The following TTC3 variants were observed in gnomAD, a reference collection of about 807,000 sequenced individuals.
TTC3 encodes the protein E3 ubiquitin-protein ligase TTC3.
Under a neutral mutation model 249.6 loss-of-function variants are expected in TTC3, and 180 were observed. That is an observed-to-expected ratio of 0.72 (90% CI 0.64 to 0.82). The LOEUF is 0.82. Among genes scored for constraint, TTC3 ranks in the 40% least tolerant of loss-of-function variants. The pLI is 0.00. For missense variants in TTC3, 2,061 were observed against 2,398.4 expected (o/e 0.86, Z 2.94); for synonymous variants, 717 against 805.0 (o/e 0.89, Z 1.85).
chr21:37,089,996 A>AC (rs1034208144), intron 5 of TTC3, among the ~76,000 whole-genome samples: 8 of 151,854 alleles, frequency 5.3e-5, no homozygotes, highest in African/African-American at 1.9e-4. Context: ...AAAAAAAAAA[A>AC]AATTCACATG....
intron 36 of TTC3, among the ~76,000 whole-genome samples, chr21:37,184,443 TTC>T: frequency 6.6e-6 from 1 of 151,938 alleles, no homozygotes; most frequent in South Asian, 2.1e-4. Context: ...AGCCACACGC[TTC>T]TCTCTAAGTT....
intron 31 of TTC3, 83 bp downstream of exon 31, chr21:37,162,146 C>G: frequency 3.6e-6 from 3 of 841,644 alleles, no homozygotes; most frequent in Non-Finnish European, 5.3e-6. Flanking sequence ...TATATATAAA[C>G]TTGTGTTTTA....
At chr21:37,096,668 C>T (rs1373161907) in intron 10 of TTC3, 25 bp downstream of exon 10, 4 of 1,557,618 alleles carry the variant, frequency 2.6e-6, no homozygotes, top group Admixed American at 1.7e-5. Flanking sequence ...ATATCTCAAC[C>T]ACTGAATTAT....
intron 34 of TTC3, among the ~76,000 whole-genome samples, chr21:37,171,175 T>C (rs917269122): frequency 2.6e-5 from 4 of 152,256 alleles, no homozygotes; most frequent in African/African-American, 9.6e-5. Context: ...TGAAGTCTTA[T>C]GCTGTGCTTA....
At chr21:37,148,848 G>C (rs1019133485) in intron 23 of TTC3, among the ~76,000 whole-genome samples, 2 of 152,054 alleles carry the variant, frequency 1.3e-5, no homozygotes, top group Non-Finnish European at 2.9e-5. Flanking sequence ...TTTTTAAAGA[G>C]ACGGATCTCA....
chr21:37,195,236 C>T (rs542921298), intron 41 of TTC3, among the ~76,000 whole-genome samples: 45 of 152,240 alleles, frequency 3.0e-4, no homozygotes, highest in South Asian at 1.0e-3. Flanking sequence ...CAGGCGTGGA[C>T]GGAGGCCTGA....
At chr21:37,086,239 G>T (rs1264639448) in intron 1 of TTC3, 1 of 152,074 alleles carries the variant, frequency 6.6e-6, no homozygotes, top group South Asian at 2.1e-4. Flanking sequence ...GAAGAAACTT[G>T]GTTTATCCTA....
At chr21:37,130,150 T>C (rs2077355522) in intron 16 of TTC3, among the ~76,000 whole-genome samples, 1 of 152,184 alleles carries the variant, frequency 6.6e-6, no homozygotes, top group Non-Finnish European at 1.5e-5. Flanking sequence ...GGGGAATGAT[T>C]TGAATATCAA....
intron 41 of TTC3, chr21:37,194,977 C>T (rs1410602178): frequency 6.6e-6 from 1 of 152,452 alleles, no homozygotes; most frequent in African/African-American, 2.4e-5. Context: ...TGCCATGCTG[C>T]TCAGGAGACC....
chr21:37,167,220 T>TA (rs1398536300), intron 33 of TTC3, among the ~76,000 whole-genome samples: 12 of 152,186 alleles, frequency 7.9e-5, no homozygotes, highest in Admixed American at 5.9e-4. Context: ...TATGAGTTCT[T>TA]TCCTAACAAG....
intron 23 of TTC3, 152 bp from the exon 24 acceptor site, chr21:37,149,926 G>GC: frequency 3.5e-6 from 2 of 579,500 alleles, no homozygotes; most frequent in South Asian, 5.1e-5. Context: ...CTTAAAATTC[G>GC]CATGGCAGTG....
intron 44 of TTC3, among the ~76,000 whole-genome samples, chr21:37,200,000 G>A (rs987868742): frequency 1.6e-4 from 24 of 152,118 alleles, no homozygotes; most frequent in African/African-American, 5.8e-4. Flanking sequence ...ACATAAAACA[G>A]TTTTTTCTCT....
intron 19 of TTC3, among the ~76,000 whole-genome samples, chr21:37,140,239 A>G (rs2078316274): frequency 6.6e-6 from 1 of 152,130 alleles, no homozygotes; most frequent in Non-Finnish European, 1.5e-5. Context: ...CCTTTTTTAA[A>G]AAACAAAAAC....
chr21:37,176,826 C>T (rs551288029), intron 35 of TTC3, among the ~76,000 whole-genome samples: 23 of 152,196 alleles, frequency 1.5e-4, no homozygotes, highest in Non-Finnish European at 2.6e-4. Context: ...CAGGTTGTGT[C>T]AGGCTTCAGA....
At chr21:37,161,651 C>G (rs1206226688) in intron 30 of TTC3, among the ~76,000 whole-genome samples, 1 of 152,134 alleles carries the variant, frequency 6.6e-6, no homozygotes, top group African/African-American at 2.4e-5. Context: ...GAGAGAGTAG[C>G]AAATCTTCAA....
At chr21:37,176,723 A>G (rs1440469351) in intron 35 of TTC3, among the ~76,000 whole-genome samples, 3 of 152,246 alleles carry the variant, frequency 2.0e-5, no homozygotes, top group East Asian at 1.9e-4. Flanking sequence ...ATACTGTAGT[A>G]CATAAATAAA....
At chr21:37,132,615 A>AT (rs1601669167) in intron 16 of TTC3, 67 bp from the exon 17 acceptor site, 1 of 1,326,226 alleles carries the variant, frequency 7.5e-7, no homozygotes, top group Non-Finnish European at 1.0e-6. Flanking sequence ...GCCTGGCCCT[A>AT]TTTTTTCTTT....
rs183326351 is a variant in TTC3 at position 37,127,202 on chromosome 21, C to T, written c.1297+1059C>T. Reference sequence around the variant, plus strand: ...ACTAATCCCATTCATGAGGGGACAGCCTCATGACCTAATTCCTCCCAAAGG... The same window carrying T: ...ACTAATCCCATTCATGAGGGGACAGTCTCATGACCTAATTCCTCCCAAAGG... On this transcript the variant is annotated intron_variant, in intron 15 of 45. Coordinates refer to ENST00000355666, the Ensembl canonical transcript of TTC3. Among the ~76,000 whole-genome samples, 224 of 152,242 alleles carry T rather than the reference C, an allele frequency of 1.5e-3. 2 individuals carry two copies. The highest frequency in any genetic ancestry group is 4.9e-3 in the African/African-American group (205 of 41,538).
intron 1 of TTC3, among the ~76,000 whole-genome samples, chr21:37,074,179 C>T (rs2070473813): frequency 6.6e-6 from 1 of 152,198 alleles, no homozygotes; most frequent in Admixed American, 6.5e-5. Context: ...GTAACCTCGC[C>T]GCTCCCCTCG....
Sources: allele counts gnomAD v4.1 joint callset (sites outside exome capture counted in the v4.1 genomes callset), GRCh38; gene constraint gnomAD v4.1.1; transcripts MANE v1.5; gene names NCBI Gene and HGNC (gene_info 2026-07-23, HGNC 2026-07-21).